SPOCK1: variants seen among roughly 807,000 people sequenced by gnomAD.
SPOCK1 encodes testican-1.
SPOCK1 carries 23 observed loss-of-function variants against 55.3 expected under a neutral mutation model. The observed-to-expected ratio is 0.42, with a 90% CI of 0.30 to 0.59. The LOEUF is 0.59. Among genes scored for constraint, SPOCK1 ranks in the 20% least tolerant of loss-of-function variants. The pLI is 0.22. For synonymous variants in SPOCK1, 226 were observed against 221.0 expected, an observed-to-expected ratio of 1.02 and a Z score of -0.20; for missense variants, 499 against 552.5, an observed-to-expected ratio of 0.90 and a Z score of 0.97.
chr5:137,065,856 AC>A (rs1752498436), intron 6 of SPOCK1, among the ~76,000 whole-genome samples: 1 of 152,228 alleles, frequency 6.6e-6, no homozygotes, highest in African/African-American at 2.4e-5. Context: ...CAATGGGGTT[AC>A]TTGTATAGAT....
At chr5:137,122,404 T>A (rs1445026493) in intron 4 of SPOCK1, among the ~76,000 whole-genome samples, 1 of 152,194 alleles carries the variant, frequency 6.6e-6, no homozygotes, top group Non-Finnish European at 1.5e-5. Flanking sequence ...TCCCTTAGGA[T>A]AATAGTTAGT....
At chr5:137,113,130 T>G (rs1368782186) in intron 4 of SPOCK1, among the ~76,000 whole-genome samples, 1 of 152,270 alleles carries the variant, frequency 6.6e-6, no homozygotes, top group East Asian at 1.9e-4. Flanking sequence ...ATAGAGGCTC[T>G]GAGGTGATGT....
intron 2 of SPOCK1, among the ~76,000 whole-genome samples, chr5:137,463,174 T>C (rs1330784021): frequency 1.3e-5 from 2 of 152,240 alleles, no homozygotes; most frequent in Non-Finnish European, 2.9e-5. Flanking sequence ...GCTCCACTAC[T>C]GGGTATATAC....
At chr5:137,105,779 A>G (rs1252852826) in intron 5 of SPOCK1, among the ~76,000 whole-genome samples, 1 of 152,226 alleles carries the variant, frequency 6.6e-6, no homozygotes, top group Non-Finnish European at 1.5e-5. Flanking sequence ...CCTCCACAGC[A>G]GTTCTTAACT....
intron 2 of SPOCK1, among the ~76,000 whole-genome samples, chr5:137,267,452 C>T (rs535245533): frequency 7.2e-5 from 11 of 152,286 alleles, no homozygotes; most frequent in Non-Finnish European, 1.3e-4. Flanking sequence ...CAACTGTCAA[C>T]ATTTCTTTTA....
intron 2 of SPOCK1, among the ~76,000 whole-genome samples, chr5:137,331,543 A>G (rs1438170869): frequency 1.3e-5 from 2 of 152,342 alleles, no homozygotes; most frequent in Admixed American, 6.5e-5. Context: ...CTGTATAAGC[A>G]TGGTGCCGGC....
chr5:137,126,721 C>G (rs1186418390), intron 4 of SPOCK1, among the ~76,000 whole-genome samples: 1 of 152,178 alleles, frequency 6.6e-6, no homozygotes, highest in Non-Finnish European at 1.5e-5. Flanking sequence ...GAGATCACAC[C>G]AGTCTGGGCA....
At chr5:137,466,414 A>G (rs997234028) in intron 2 of SPOCK1, among the ~76,000 whole-genome samples, 53 of 152,204 alleles carry the variant, frequency 3.5e-4, no homozygotes, top group African/African-American at 1.3e-3. Context: ...AAATCTTCAT[A>G]CTGAACAGTT....
intron 4 of SPOCK1, among the ~76,000 whole-genome samples, chr5:137,125,564 C>A (rs1753769258): frequency 6.6e-6 from 1 of 152,018 alleles, no homozygotes; most frequent in Admixed American, 6.6e-5. Flanking sequence ...GCTGTTCCCA[C>A]AATGTGAGGA....
intron 5 of SPOCK1, among the ~76,000 whole-genome samples, chr5:137,106,302 C>T (rs1005690424): frequency 2.2e-4 from 34 of 152,132 alleles, no homozygotes; most frequent in Admixed American, 6.5e-4. Context: ...GCCCAGGGTC[C>T]AGTCAGCAGC....
chr5:137,144,041 G>A (rs1418705530), intron 3 of SPOCK1, among the ~76,000 whole-genome samples: 1 of 152,174 alleles, frequency 6.6e-6, no homozygotes, highest in Non-Finnish European at 1.5e-5. Context: ...CTGGGTAAAA[G>A]GAGGGGGCAG....
At position 137,079,538 on chromosome 5, in the gene SPOCK1, C is replaced by G. The variant is rs76934811; in HGVS notation, c.475-11709G>C. On this transcript the variant is annotated intron_variant, in intron 5 of 10. Coordinates refer to ENST00000394945, the MANE Select transcript of SPOCK1 (RefSeq NM_004598.4). ...CTCCTACCATCCCATCTGATTCCCCCCCCCCCCGACTTAGTGAAATGTCGT... is the reference window on the plus strand; with the variant it reads ...CTCCTACCATCCCATCTGATTCCCCGCCCCCCCGACTTAGTGAAATGTCGT... 4.8e-3 allele frequency among the ~76,000 whole-genome samples: 493 copies of G among 101,838 alleles called. 20 individuals carry two copies. Among genetic ancestry groups the G allele is most frequent in the Admixed American group, 0.047 (448 of 9,490 alleles). 66.8% of individuals were successfully genotyped at this position (101,838 alleles called of 152,430 possible).
intron 6 of SPOCK1, among the ~76,000 whole-genome samples, chr5:137,040,901 G>A (rs569172195): frequency 6.6e-6 from 1 of 152,304 alleles, no homozygotes; most frequent in East Asian, 1.9e-4. Flanking sequence ...CTTCTAAGCA[G>A]TCAGCAAGTG....
intron 2 of SPOCK1, among the ~76,000 whole-genome samples, chr5:137,346,041 T>C (rs767878407): frequency 6.6e-6 from 1 of 152,132 alleles, no homozygotes; most frequent in Non-Finnish European, 1.5e-5. Flanking sequence ...TGGGGCTGAG[T>C]AGCTGAGTCA....
At chr5:137,020,845 C>T (rs1751551184) in intron 6 of SPOCK1, among the ~76,000 whole-genome samples, 1 of 151,922 alleles carries the variant, frequency 6.6e-6, no homozygotes, top group African/African-American at 2.4e-5. Context: ...CACGAAGATC[C>T]TATTTCATAC....
chr5:137,107,558 C>A lies in SPOCK1; in HGVS notation c.474+4877G>T, dbSNP rs79987496. On this transcript the variant is annotated intron_variant, in intron 5 of 10. Transcript: ENST00000394945. Reference sequence around the variant, plus strand: ...TTATTGCCATGTAACATCTTACATCCCTTCATCTCAAGACTCTGTGCCTTT... The same window carrying A: ...TTATTGCCATGTAACATCTTACATCACTTCATCTCAAGACTCTGTGCCTTT... 1.3e-3 allele frequency among the ~76,000 whole-genome samples: 193 copies of A among 152,254 alleles called. 2 individuals carry two copies. The East Asian group carries it at 0.034, about 27-fold the overall frequency.
intron 2 of SPOCK1, among the ~76,000 whole-genome samples, chr5:137,419,016 T>C (rs1428719870): frequency 3.3e-5 from 5 of 152,210 alleles, no homozygotes; most frequent in African/African-American, 1.2e-4. Context: ...GCTTTCTACA[T>C]ATGGCTAGCC....
At chr5:137,246,390 A>G (rs1294586840) in intron 3 of SPOCK1, among the ~76,000 whole-genome samples, 2 of 152,170 alleles carry the variant, frequency 1.3e-5, no homozygotes, top group Admixed American at 1.3e-4. Flanking sequence ...ATTTCCTTCT[A>G]TCAAGATAAA....
At position 136,976,470 on chromosome 5, in the gene SPOCK1, G is replaced by C. The variant is rs182067251; in HGVS notation, c.*2184C>G. The C allele has an allele frequency of 6.5e-6, 1 of 152,682 alleles. No individual in the cohort carries two copies. The highest frequency in any genetic ancestry group is 6.5e-5 in the Admixed American group (1 of 15,298). The allele number at this position is 152,682 out of a possible 1,614,324, so 9.5% of individuals were successfully genotyped here. A position where few individuals can be genotyped will look rare whatever the true frequency, so the allele number is the denominator to read the frequency against. ...TCAGTGGTTCACCCTGTTCCTAGAA[G>C]TTTTTCTAAGTGAAATCAATTTTTC... is the stretch of plus-strand genomic sequence containing the variant. On this transcript the variant is annotated 3_prime_UTR_variant, in exon 11 of 11. Coordinates refer to ENST00000394945, the MANE Select transcript of SPOCK1 (RefSeq NM_004598.4).
Sources: allele counts gnomAD v4.1 joint callset (sites outside exome capture counted in the v4.1 genomes callset), GRCh38; gene constraint gnomAD v4.1.1; transcripts MANE v1.5; gene names NCBI Gene and HGNC (gene_info 2026-07-23, HGNC 2026-07-21).